The following FREM2 variants were observed in gnomAD, a reference collection of about 807,000 sequenced individuals.
FREM2 encodes FRAS1-related extracellular matrix protein 2.
FREM2 carries 119 observed loss-of-function variants against 219.9 expected under a neutral mutation model. The ratio of observed to expected loss-of-function variants is 0.54; its 90% CI spans 0.47 to 0.63. The LOEUF (loss-of-function observed/expected upper bound fraction) is 0.63, where lower values mean the gene tolerates loss of function less well. FREM2 is among the 30% of genes least tolerant of loss of function. The pLI, the probability that FREM2 is intolerant of heterozygous loss-of-function variation, is 0.00. For synonymous variants in FREM2, 1,562 were observed against 1,522.8 expected (o/e 1.03, Z -0.60); for missense variants, 4,030 against 3,993.6 (o/e 1.01, Z -0.25).
chr13:38,765,755 G>T lies in FREM2; in HGVS notation c.5410+1305G>T, dbSNP rs185122460. On this transcript the variant is annotated intron_variant, in intron 3 of 23. Coordinates refer to ENST00000280481, the MANE Select transcript of FREM2 (RefSeq NM_207361.6). ...ACTTTAGAAGACCAGGTTTTCACAC[G>T]ACACTTTCCCTGTCTTTGAGGTTGC... 4.0e-5 allele frequency among the ~76,000 whole-genome samples: 6 copies of T among 151,826 alleles called. No individual in the cohort carries two copies. The East Asian group carries it at 1.2e-3, about 29-fold the overall frequency.
chr13:38,867,440 G>A (rs1472014401), intron 16 of FREM2, among the ~76,000 whole-genome samples: 2 of 152,158 alleles, frequency 1.3e-5, no homozygotes, highest in African/African-American at 2.4e-5. Context: ...TAAATTAAAT[G>A]GTAATACAAT....
intron 6 of FREM2, among the ~76,000 whole-genome samples, chr13:38,845,289 A>G (rs1034756988): frequency 2.0e-5 from 3 of 152,334 alleles, no homozygotes; most frequent in South Asian, 4.1e-4. Context: ...TGGCTTTCCA[A>G]GTGGCTTTGT....
Position 38,883,461 on chromosome 13 carries a change from A to G in FREM2, c.*2674A>G, listed in dbSNP as rs1341711688. 6.6e-6 allele frequency: 1 copy of G among 152,194 alleles called. No individual in the cohort carries two copies. The highest frequency in any genetic ancestry group is 1.5e-5 in the Non-Finnish European group (1 of 68,020). 9.4% of individuals were successfully genotyped at this position (152,194 alleles called of 1,614,324 possible). On this transcript the variant is annotated 3_prime_UTR_variant, in exon 24 of 24. Transcript: ENST00000280481. ...AGATACTCAGTGGCTTCTGACTCCA[A>G]TCAAGGTCTTGTTGATATTATATAG...
intron 2 of FREM2, among the ~76,000 whole-genome samples, chr13:38,750,865 G>T (rs949237805): frequency 2.6e-5 from 4 of 151,998 alleles, no homozygotes; most frequent in African/African-American, 7.2e-5. Flanking sequence ...ACTGATTTTT[G>T]TACTTTTTAG....
chr13:38,804,485 G>T (rs1365420951), intron 6 of FREM2, among the ~76,000 whole-genome samples: 4 of 151,812 alleles, frequency 2.6e-5, no homozygotes, highest in Admixed American at 2.6e-4. Context: ...TACTAAATAC[G>T]GTATGTGGGG....
At chr13:38,777,986 CT>C (rs1234516272) in intron 4 of FREM2, among the ~76,000 whole-genome samples, 1 of 152,202 alleles carries the variant, frequency 6.6e-6, no homozygotes, top group Non-Finnish European at 1.5e-5. Flanking sequence ...CTTACTGGCA[CT>C]GGCAAGAAGT....
At chr13:38,703,850 C>T (rs1327491179) in intron 2 of FREM2, among the ~76,000 whole-genome samples, 2 of 152,070 alleles carry the variant, frequency 1.3e-5, no homozygotes, top group South Asian at 2.1e-4. Flanking sequence ...CTAGAAATTT[C>T]ACATGATTTC....
rs746650035 is a variant in FREM2 at position 38,857,844 on chromosome 13, C to G, written c.7057-31C>G. ...GAAGCATCAAAAGTTTAATATTTCA[C>G]TAATCAGTGATAATTGTCTTTTCCT... On this transcript the variant is annotated intron_variant, in intron 12 of 23. Coordinates refer to ENST00000280481, the MANE Select transcript of FREM2 (RefSeq NM_207361.6). The G allele has an allele frequency of 1.9e-6, 3 of 1,588,542 alleles. No individual in the cohort carries two copies. The Admixed American group carries it at 5.0e-5, about 26-fold the overall frequency.
chr13:38,751,067 C>A (rs1872733458), intron 2 of FREM2, among the ~76,000 whole-genome samples: 1 of 152,060 alleles, frequency 6.6e-6, no homozygotes, highest in Non-Finnish European at 1.5e-5. Context: ...GAGGTTGATT[C>A]CATGTCTCAG....
chr13:38,812,931 CCA>C (rs1432452077), intron 6 of FREM2, among the ~76,000 whole-genome samples: 2 of 151,514 alleles, frequency 1.3e-5, no homozygotes, highest in Admixed American at 1.3e-4. Context: ...AAAAAAAACC[CCA>C]CAAAAACCTC....
chr13:38,788,296 T>G (rs1197749180), intron 6 of FREM2, among the ~76,000 whole-genome samples: 1 of 152,142 alleles, frequency 6.6e-6, no homozygotes, highest in African/African-American at 2.4e-5. Context: ...AGGCTTAATC[T>G]TCACCCTGAG....
At chr13:38,730,124 A>T (rs1034422909) in intron 2 of FREM2, among the ~76,000 whole-genome samples, 1 of 152,180 alleles carries the variant, frequency 6.6e-6, no homozygotes, top group African/African-American at 2.4e-5. Context: ...AATAAACAAA[A>T]ATTTGATAGT....
At chr13:38,716,064 A>T (rs939249744) in intron 2 of FREM2, among the ~76,000 whole-genome samples, 2 of 152,160 alleles carry the variant, frequency 1.3e-5, no homozygotes, top group Admixed American at 1.3e-4. Context: ...TTACTTTAAA[A>T]TAGTTAAAGG....
intron 6 of FREM2, among the ~76,000 whole-genome samples, chr13:38,813,293 A>G (rs537671996): frequency 6.6e-6 from 1 of 151,808 alleles, no homozygotes; most frequent in Admixed American, 6.6e-5. Context: ...GAAGGTCTTT[A>G]TTTCTCCTTC....
chr13:38,785,876 T>C (rs966422355), intron 6 of FREM2, among the ~76,000 whole-genome samples: 1 of 152,250 alleles, frequency 6.6e-6, no homozygotes, highest in South Asian at 2.1e-4. Flanking sequence ...CCTTTTACTG[T>C]ATGTTGTTAA....
intron 4 of FREM2, among the ~76,000 whole-genome samples, chr13:38,774,375 A>C (rs1262981051): frequency 6.6e-6 from 1 of 152,202 alleles, no homozygotes. Context: ...GGATCTAGGT[A>C]GTAGAGAAGA....
In FREM2 at chr13:38,691,355, A is replaced by C; in HGVS notation, c.4011A>C (p.Lys1337Asn). Residue 1337 changes from lysine to asparagine, a missense_variant, in exon 1 of 24, where the codon AAA becomes AAC. This residue lies in a region of FREM2 where 3,102 missense variants were observed against 2,950.7 expected (regional missense o/e 1.05). Coordinates refer to ENST00000280481, the MANE Select transcript of FREM2 (RefSeq NM_207361.6). ...CAACAGATTTAGATTCAGAAGACAA[A>C]TCTTTGGTTTATATTATTCGTTATG... ...LMATDLDSED[K>N]SLVYIIRYGP... 1 of 1,613,996 alleles carries C rather than the reference A, an allele frequency of 6.2e-7. No homozygotes were observed. The highest frequency in any genetic ancestry group is 1.1e-5 in the South Asian group (1 of 91,080).
intron 6 of FREM2, among the ~76,000 whole-genome samples, chr13:38,840,638 A>G (rs71423186): frequency 0.15 from 21,183 of 146,034 alleles, 1,841 homozygotes; most frequent in Admixed American, 0.24. Context: ...ATATATATAT[A>G]TATATATGTG....
In FREM2 at chr13:38,690,875, G is replaced by GT; in HGVS notation, c.3533dup (p.Phe1179LeufsTer10). ...ATGGCATTAACTTTTCAGAGAGACAGTTCTTCCCCATTGTAATCATTCCCA... is the reference window on the plus strand; with the variant it reads ...ATGGCATTAACTTTTCAGAGAGACAGTTTCTTCCCCATTGTAATCATTCCCA... On this transcript the variant is annotated frameshift_variant, in exon 1 of 24. Transcript: ENST00000280481. LOFTEE classifies it high-confidence loss of function. The GT allele has an allele frequency of 6.2e-7, 1 of 1,614,142 alleles. No homozygotes were observed. The highest frequency in any genetic ancestry group is 8.5e-7 in the Non-Finnish European group (1 of 1,180,010).
Sources: allele counts gnomAD v4.1 joint callset (sites outside exome capture counted in the v4.1 genomes callset), GRCh38; gene constraint gnomAD v4.1.1; regional missense constraint gnomAD v4.1.1; transcripts MANE v1.5; gene names NCBI Gene and HGNC (gene_info 2026-07-23, HGNC 2026-07-21).